SELENOI: variants seen among roughly 807,000 people sequenced by gnomAD.
SELENOI encodes the protein selenoprotein I.
Under a neutral mutation model 50.7 loss-of-function variants are expected in SELENOI, and 24 were observed. The ratio of observed to expected loss-of-function variants is 0.47; its 90% confidence interval spans 0.34 to 0.67. SELENOI has a LOEUF of 0.67. Ranked by LOEUF, SELENOI falls within the 30% of genes least tolerant of loss-of-function variation. SELENOI has a pLI of 0.01. For synonymous variants in SELENOI, 155 were observed against 170.2 expected (o/e 0.91, Z 0.70); for missense variants, 352 against 461.4 (o/e 0.76, Z 2.17).
At chr2:26,372,266 T>TC (rs1677473893) in intron 4 of SELENOI, among the ~76,000 whole-genome samples, 1 of 151,846 alleles carries the variant, frequency 6.6e-6, no homozygotes, top group African/African-American at 2.4e-5. Flanking sequence ...GTGTGCACCA[T>TC]CCCCGGCTAA....
At chr2:26,369,500 T>A (rs2147952527) in intron 4 of SELENOI, among the ~76,000 whole-genome samples, 1 of 152,350 alleles carries the variant, frequency 6.6e-6, no homozygotes, top group South Asian at 2.1e-4. Flanking sequence ...TCCTTAGGCC[T>A]TATCCCTCAT....
intron 6 of SELENOI, among the ~76,000 whole-genome samples, chr2:26,377,831 A>G (rs1572334322): frequency 2.0e-5 from 3 of 151,356 alleles, no homozygotes; most frequent in African/African-American, 7.3e-5. Flanking sequence ...TTTTCTGTTG[A>G]CTGCTTTTTT....
chr2:26,388,167 G>A (rs1380144731), intron 9 of SELENOI, among the ~76,000 whole-genome samples: 4 of 151,774 alleles, frequency 2.6e-5, no homozygotes, highest in African/African-American at 7.3e-5. Context: ...AATACTCTTC[G>A]GCCTTTATCC....
At position 26,384,482 on chromosome 2, in the gene SELENOI, T is replaced by C. The variant is rs541223107; in HGVS notation, c.732-477T>C. Among the ~76,000 whole-genome samples, 26 of 152,260 alleles carry C rather than the reference T, an allele frequency of 1.7e-4. 1 individual carries two copies. The South Asian group carries it at 5.0e-3, about 29-fold the overall frequency. The stretch of plus-strand genomic sequence containing the variant: ...TAACCTCCTGTGTGCTTAGAGACAC[T>C]GAGATGTGGTATGCCAGTCGCACCT... On this transcript the variant is annotated intron_variant, in intron 7 of 9. Coordinates refer to ENST00000260585, the MANE Select transcript of SELENOI (RefSeq NM_033505.4).
chr2:26,374,649 A>G (rs547733944), intron 5 of SELENOI, among the ~76,000 whole-genome samples: 21 of 147,790 alleles, frequency 1.4e-4, no homozygotes, highest in African/African-American at 5.0e-4. Context: ...GCTCACCGCA[A>G]CCTCTGCCTC....
At position 26,393,182 on chromosome 2, in the gene SELENOI, A is replaced by G. The variant is rs917442322; in HGVS notation, c.*4079A>G. ...TTGGCAGGCAGTTATTGTAGGGTAT[A>G]TGGTTAATCACGATTGTCTAACTTT... On this transcript the variant is annotated 3_prime_UTR_variant, in exon 10 of 10. Coordinates refer to ENST00000260585, the MANE Select transcript of SELENOI (RefSeq NM_033505.4). 1.3e-5 allele frequency: 2 copies of G among 152,668 alleles called. No individual in the cohort carries two copies. The highest frequency in any genetic ancestry group is 2.9e-5 in the Non-Finnish European group (2 of 68,050). The allele number at this position is 152,668 out of a possible 1,614,324, so 9.5% of individuals were successfully genotyped here.
chr2:26,352,944 GCTCT>G (rs894498392), intron 1 of SELENOI, among the ~76,000 whole-genome samples: 1 of 149,902 alleles, frequency 6.7e-6, no homozygotes, highest in African/African-American at 2.5e-5. Context: ...CTTTTTATTT[GCTCT>G]CTAATTTGCC....
intron 6 of SELENOI, among the ~76,000 whole-genome samples, chr2:26,378,249 T>C (rs1677609977): frequency 6.6e-6 from 1 of 152,192 alleles, no homozygotes; most frequent in Non-Finnish European, 1.5e-5. Context: ...CCCCCAACCC[T>C]CAAGCCAGTA....
rs150451064 is a variant in SELENOI at position 26,349,134 on chromosome 2, G to C, written c.57+2845G>C. The stretch of plus-strand genomic sequence containing the variant: ...GCGTTCAAGCGATTCTCCTGTCTCA[G>C]CCTCCCGAGTAGCTGGGATTACAGG... On this transcript the variant is annotated intron_variant, in intron 1 of 9. Transcript: ENST00000260585. Among the ~76,000 whole-genome samples, 794 of 147,062 alleles carry C rather than the reference G, an allele frequency of 5.4e-3. 35 individuals carry two copies. The South Asian group carries it at 0.085, about 16-fold the overall frequency.
chr2:26,384,700 A>G (rs965865745), intron 7 of SELENOI, among the ~76,000 whole-genome samples: 1 of 152,220 alleles, frequency 6.6e-6, no homozygotes, highest in Non-Finnish European at 1.5e-5. Flanking sequence ...TTAAAGAGAA[A>G]AAAATGGGAT....
Position 26,389,597 on chromosome 2 carries a change from G to A in SELENOI, c.*494G>A, listed in dbSNP as rs62128674. The A allele has an allele frequency of 0.4, 61,274 of 153,358 alleles. 13,783 individuals are homozygous for A. Among genetic ancestry groups the A allele is most frequent in the Non-Finnish European group, 0.51 (35,177 of 68,552 alleles). 9.5% of individuals were successfully genotyped at this position (153,358 alleles called of 1,614,324 possible). ...GCCAATGATTACCAAACAACAGACA[G>A]TTGCCAAATACTGGTTTCTCTTTCC... On this transcript the variant is annotated 3_prime_UTR_variant, in exon 10 of 10. Transcript: ENST00000260585.
In SELENOI at chr2:26,394,839, G is replaced by A. The variant is rs1351589096; in HGVS notation, c.*5736G>A. Reference sequence around the variant, plus strand: ...GTTTCATGCCCTGTGACTAAGAATAGGTGGAGGAATCATGGCCAAATCAAA... The same window carrying A: ...GTTTCATGCCCTGTGACTAAGAATAAGTGGAGGAATCATGGCCAAATCAAA... On this transcript the variant is annotated 3_prime_UTR_variant, in exon 10 of 10. Transcript: ENST00000260585. This position sits in a 1 kb window ranked among gnomAD's most constrained non-coding sequence, Gnocchi z 4.1. 1 of 152,182 alleles carries A rather than the reference G, an allele frequency of 6.6e-6. No homozygotes were observed. The highest frequency in any genetic ancestry group is 1.5e-5 in the Non-Finnish European group (1 of 68,036). 9.4% of individuals were successfully genotyped at this position (152,182 alleles called of 1,614,324 possible).
intron 3 of SELENOI, among the ~76,000 whole-genome samples, chr2:26,366,868 G>A (rs1268102377): frequency 1.3e-5 from 2 of 152,094 alleles, no homozygotes; most frequent in African/African-American, 2.4e-5. Flanking sequence ...CATTGTAGGC[G>A]CATGAAAATT....
chr2:26,388,129 A>T (rs1677885025), intron 9 of SELENOI, among the ~76,000 whole-genome samples: 1 of 152,200 alleles, frequency 6.6e-6, no homozygotes, highest in Non-Finnish European at 1.5e-5. Context: ...TTTTATTTGT[A>T]CAAATGTAAC....
Position 26,392,474 on chromosome 2 carries a change from A to G in SELENOI, c.*3371A>G, listed in dbSNP as rs1677990793. 6.6e-6 allele frequency: 1 copy of G among 152,218 alleles called. No homozygotes were observed. The highest frequency in any genetic ancestry group is 1.5e-5 in the Non-Finnish European group (1 of 68,042). The allele number at this position is 152,218 out of a possible 1,614,324, so 9.4% of individuals were successfully genotyped here. A position where few individuals can be genotyped will look rare whatever the true frequency, so the allele number is the denominator to read the frequency against. ...GCTACTTTTCCCCTTTATATTTTATATAGAAGCCTATTTGTAATTCTTCCT... is the reference window on the plus strand; with the variant it reads ...GCTACTTTTCCCCTTTATATTTTATGTAGAAGCCTATTTGTAATTCTTCCT... On this transcript the variant is annotated 3_prime_UTR_variant, in exon 10 of 10. Coordinates refer to ENST00000260585, the MANE Select transcript of SELENOI (RefSeq NM_033505.4).
rs1202382245 is a variant in SELENOI, at chr2:26,392,260, G to C, written c.*3157G>C. ...ATAGTTTCCACTTTAAAGGGAAGAA[G>C]GGACTTTAACATCCTATGAATTTGA... On this transcript the variant is annotated 3_prime_UTR_variant, in exon 10 of 10. Transcript: ENST00000260585. 1 of 152,104 alleles carries C rather than the reference G, an allele frequency of 6.6e-6. No homozygotes were observed. The highest frequency in any genetic ancestry group is 1.9e-4 in the East Asian group (1 of 5,192). 9.4% of individuals were successfully genotyped at this position (152,104 alleles called of 1,614,324 possible).
intron 1 of SELENOI, among the ~76,000 whole-genome samples, chr2:26,353,381 G>A (rs1676999079): frequency 6.6e-6 from 1 of 152,136 alleles, no homozygotes; most frequent in Admixed American, 6.5e-5. Context: ...AAATTTCAAA[G>A]ATACGAACAC....
intron 4 of SELENOI, among the ~76,000 whole-genome samples, chr2:26,370,315 C>T (rs372412522): frequency 6.6e-6 from 1 of 151,702 alleles, no homozygotes; most frequent in African/African-American, 2.4e-5. Flanking sequence ...ACCTTTCCCC[C>T]CTTTCTATTC....
In SELENOI at chr2:26,364,359, A is replaced by T; in HGVS notation, c.115A>T (p.Thr39Ser). The T allele has an allele frequency of 6.4e-7, 1 of 1,551,922 alleles. No individual in the cohort carries two copies. The highest frequency in any genetic ancestry group is 1.4e-5 in the African/African-American group (1 of 73,592). The change falls in exon 2 of 10, where the codon ACT becomes TCT. Residue 39 changes from threonine (T) to serine (S), a missense_variant. By Grantham distance (58) the Thr-to-Ser change is moderately conservative (BLOSUM62 1). Coordinates refer to ENST00000260585, the MANE Select transcript of SELENOI (RefSeq NM_033505.4). ...GTATGTCATGCATCCATTCTGGAAC[A>T]CTATAGTAAAGGTAAGATAATTAAT... is the stretch of plus-strand genomic sequence containing the variant. ...SLYVMHPFWN[T>S]IVKVFPTWLA...
Sources: gnomAD v4.1 joint callset for allele counts (sites outside exome capture counted in the v4.1 genomes callset) on GRCh38, gnomAD v4.1.1 for gene constraint, Gnocchi (gnomAD v3.1) non-coding constraint, MANE v1.5 for transcripts, NCBI Gene and HGNC (gene_info 2026-07-23, HGNC 2026-07-21) for gene names.